The following RUFY1 variants were observed in gnomAD, a reference collection of about 807,000 sequenced individuals.
RUFY1 encodes the protein RUN and FYVE domain-containing protein 1.
RUFY1 carries 54 observed loss-of-function variants against 94.6 expected under a neutral mutation model. The observed-to-expected ratio is 0.57, with a 90% CI of 0.46 to 0.72. The LOEUF (loss-of-function observed/expected upper bound fraction) is 0.72. Among genes scored for constraint, RUFY1 ranks in the 30% least tolerant of loss-of-function variants. The probability of loss-of-function intolerance (pLI) is 0.00; values close to 1 mark genes in which losing one functional copy is unlikely to be tolerated. For synonymous variants in RUFY1, 396 were observed against 347.3 expected (o/e 1.14, Z -1.56); for missense variants, 883 against 883.9 (o/e 1.00, Z 0.01).
At position 179,586,091 on chromosome 5, in the gene RUFY1, A is replaced by T. The variant is rs535887000; in HGVS notation, c.1026+226A>T. On this transcript the variant is annotated intron_variant, in intron 8 of 17. Transcript: ENST00000319449. ...GCCAGTTCTAAGTGACTTAGATTTT[A>T]TCACCTCAAAGTCATCCCATAGAAG... 3.9e-5 allele frequency among the ~76,000 whole-genome samples: 6 copies of T among 152,238 alleles called. No individual in the cohort carries two copies. In the South Asian group the frequency reaches 8.3e-4, roughly 21 times the overall value.
At chr5:179,567,434 A>G (rs1318387302) in intron 3 of RUFY1, 27 bp from the exon 4 acceptor site, 6 of 1,547,686 alleles carry the variant, frequency 3.9e-6, no homozygotes, top group Admixed American at 1.7e-5. Flanking sequence ...TTATGCCACA[A>G]TAGTTGATTC....
rs970993170 is a variant in RUFY1, at chr5:179,576,673, G to A, written c.829-402G>A. 7.2e-5 allele frequency among the ~76,000 whole-genome samples: 11 copies of A among 151,730 alleles called. No homozygotes were observed. In the East Asian group the frequency reaches 7.8e-4, roughly 11 times the overall value. ...TGACCTCAGGCAATCCACCAGCCTC[G>A]GCCTCCCAAAGTGCTGGGATTACAG... is the stretch of plus-strand genomic sequence containing the variant. On this transcript the variant is annotated intron_variant, in intron 5 of 17. Coordinates refer to ENST00000319449, the MANE Select transcript of RUFY1 (RefSeq NM_025158.5).
chr5:179,576,686 G>A (rs533077692), intron 5 of RUFY1, among the ~76,000 whole-genome samples: 1 of 152,308 alleles, frequency 6.6e-6, no homozygotes, highest in South Asian at 2.1e-4. Context: ...CTCCCAAAGT[G>A]CTGGGATTAC....
At chr5:179,607,954 G>T (rs144781313) in intron 17 of RUFY1, among the ~76,000 whole-genome samples, 78 of 152,338 alleles carry the variant, frequency 5.1e-4, no homozygotes, top group African/African-American at 1.8e-3. Context: ...AGCTGCTCTA[G>T]GGGAGTGTCA....
intron 5 of RUFY1, among the ~76,000 whole-genome samples, chr5:179,575,103 C>G (rs1372296619): frequency 6.9e-6 from 1 of 144,618 alleles, no homozygotes; most frequent in Non-Finnish European, 1.5e-5. Flanking sequence ...GAAAATTTTT[C>G]TAGAAGCTTT....
intron 1 of RUFY1, among the ~76,000 whole-genome samples, chr5:179,551,882 T>A (rs10078796): frequency 0.4 from 59,900 of 150,100 alleles, 12,266 homozygotes; most frequent in East Asian, 0.69. Context: ...ATTGAGTTCC[T>A]CGGCCGGGAG....
rs1261678683 is a variant in RUFY1 at position 179,560,045 on chromosome 5, G to C, written c.331G>C (p.Glu111Gln). Residue 111 changes from glutamate to glutamine, a missense_variant, in exon 2 of 18, where the codon GAG becomes CAG. Coordinates refer to ENST00000319449, the MANE Select transcript of RUFY1 (RefSeq NM_025158.5). ...ARAASKCQMM[E>Q]ERANLMHMMK... ...CACAGCTTCTAAGTGCCAGATGATG[G>C]AGGAGCGTGCCAACCTGATGCACAT... 6.2e-7 allele frequency: 1 copy of C among 1,613,698 alleles called. No homozygotes were observed. Among genetic ancestry groups the C allele is most frequent in the Non-Finnish European group, 8.5e-7 (1 of 1,179,924 alleles).
intron 17 of RUFY1, chr5:179,608,687 G>A (rs1767366926): frequency 2.1e-6 from 2 of 955,002 alleles, no homozygotes; most frequent in South Asian, 9.7e-5. Context: ...TAGCACTTTG[G>A]GAGGCTGAGG....
chr5:179,596,612 A>G lies in RUFY1; in HGVS notation c.1562A>G (p.Lys521Arg). The stretch of plus-strand genomic sequence containing the variant: ...CAGGGGGCTGAGGAGCGGAGCCACA[A>G]GCTGCAGCAGGAGCTGGGCGGGAGG... The part of the protein sequence containing the change: ...ARQGAEERSH[K>R]LQQELGGRIG... Residue 521 changes from lysine (K) to arginine (R), a missense_variant, in exon 13 of 18, where the codon AAG becomes AGG. Transcript: ENST00000319449. The G allele has an allele frequency of 6.2e-7, 1 of 1,613,250 alleles. No homozygotes were observed. Among genetic ancestry groups the G allele is most frequent in the African/African-American group, 1.3e-5 (1 of 75,048 alleles).
intron 5 of RUFY1, among the ~76,000 whole-genome samples, chr5:179,571,690 G>A (rs138222452): frequency 3.3e-5 from 5 of 152,264 alleles, no homozygotes; most frequent in African/African-American, 1.2e-4. Flanking sequence ...GTGTGGGAGA[G>A]AACACATTTC....
intron 3 of RUFY1, chr5:179,562,933 C>G: frequency 2.8e-6 from 1 of 352,484 alleles, no homozygotes; most frequent in Non-Finnish European, 5.2e-6. Flanking sequence ...AAAGGAACTA[C>G]TGGTACACTC....
intron 3 of RUFY1, among the ~76,000 whole-genome samples, chr5:179,565,164 C>CTTTTT (rs138223106): frequency 4.2e-5 from 3 of 71,926 alleles, no homozygotes; most frequent in African/African-American, 5.7e-5. Flanking sequence ...TCTAGGTTTT[C>CTTTTT]TTTTTTTTTT....
chr5:179,596,458 A>C, intron 12 of RUFY1, 104 bp from the exon 13 acceptor site: 1 of 1,417,776 alleles, frequency 7.1e-7, no homozygotes, highest in Non-Finnish European at 9.9e-7. Context: ...CACAAGAGTT[A>C]ATTTTACTGT....
Position 179,598,713 on chromosome 5 carries a change from G to C in RUFY1, c.1653G>C (p.Leu551Phe). ...ACAGCTCAAGCCTGGAGAAAGAATTGAAATCAGAAAAAGAGCAAAGACAGG... is the reference window on the plus strand; with the variant it reads ...ACAGCTCAAGCCTGGAGAAAGAATTCAAATCAGAAAAAGAGCAAAGACAGG... The part of the protein sequence containing the change: ...HEQCSSLEKE[L>F]KSEKEQRQAL... Residue 551 changes from leucine (L) to phenylalanine (F), a missense_variant, in exon 14 of 18, where the codon TTG (leucine) becomes TTC (phenylalanine). Coordinates refer to ENST00000319449, the MANE Select transcript of RUFY1 (RefSeq NM_025158.5). 1 of 1,614,098 alleles carries C rather than the reference G, an allele frequency of 6.2e-7. No homozygotes were observed. Among genetic ancestry groups the C allele is most frequent in the Non-Finnish European group, 8.5e-7 (1 of 1,179,994 alleles).
chr5:179,579,840 T>C (rs1481263781), intron 6 of RUFY1, among the ~76,000 whole-genome samples: 1 of 151,122 alleles, frequency 6.6e-6, no homozygotes, highest in South Asian at 2.1e-4. Context: ...ATTTTTTGTG[T>C]GTATTTTTAG....
At position 179,596,578 on chromosome 5, in the gene RUFY1, C is replaced by T. The variant is rs1016489707; in HGVS notation, c.1528C>T (p.Arg510Trp). The T allele has an allele frequency of 2.4e-5, 38 of 1,613,480 alleles. 1 individual carries two copies. Among genetic ancestry groups the T allele is most frequent in the African/African-American group, 2.3e-4 (17 of 74,914 alleles). ...CGCATCCAGGTTGCAGCACTCGGAG[C>T]GGGCGAGGCAGGGGGCTGAGGAGCG... is the stretch of plus-strand genomic sequence containing the variant. ...QMEERLQHSE[R>W]ARQGAEERSH... is the part of the protein sequence containing the mutation. The change falls in exon 13 of 18, where the codon CGG becomes TGG. Residue 510 changes from arginine to tryptophan, a missense_variant. By Grantham distance (101) the Arg-to-Trp change is moderately radical. Coordinates refer to ENST00000319449, the MANE Select transcript of RUFY1 (RefSeq NM_025158.5).
chr5:179,595,090 C>T, intron 12 of RUFY1, 127 bp downstream of exon 12: 1 of 658,052 alleles, frequency 1.5e-6, no homozygotes, highest in Non-Finnish European at 2.6e-6. Context: ...CGCCTGTAAT[C>T]CCAACACTTT....
chr5:179,579,566 A>T (rs1343271052), intron 6 of RUFY1, among the ~76,000 whole-genome samples: 1 of 151,358 alleles, frequency 6.6e-6, no homozygotes, highest in African/African-American at 2.4e-5. Flanking sequence ...TCCTGACCTC[A>T]ACTGATCCAT....
At chr5:179,593,749 G>C in intron 11 of RUFY1, 104 bp downstream of exon 11, 1 of 1,478,086 alleles carries the variant, frequency 6.8e-7, no homozygotes, top group South Asian at 1.4e-5. Flanking sequence ...AGAGCCCCTC[G>C]TATGTGTCAG....
Sources: allele counts gnomAD v4.1 joint callset (sites outside exome capture counted in the v4.1 genomes callset), GRCh38; gene constraint gnomAD v4.1.1; transcripts MANE v1.5; gene names NCBI Gene and HGNC (gene_info 2026-07-23, HGNC 2026-07-21).